The following DENND1B variants were observed in gnomAD, a reference collection of about 807,000 sequenced individuals.
DENND1B encodes the protein DENN domain containing 1B.
Under a neutral mutation model 90.1 loss-of-function variants are expected in DENND1B, and 59 were observed. The observed-to-expected ratio is 0.65, with a 90% CI of 0.53 to 0.81. The LOEUF is 0.81. DENND1B is among the 40% of genes least tolerant of loss of function. DENND1B has a pLI of 0.00. For missense variants in DENND1B, 862 were observed against 912.6 expected (o/e 0.94, Z 0.71); for synonymous variants, 337 against 324.6 (o/e 1.04, Z -0.41).
chr1:197,584,565 A>C (rs1674525922), intron 14 of DENND1B, among the ~76,000 whole-genome samples: 1 of 152,238 alleles, frequency 6.6e-6, no homozygotes, highest in South Asian at 2.1e-4. Context: ...ATTATTAAAG[A>C]AGACAATTCG....
chr1:197,620,772 G>C (rs1678087060), intron 10 of DENND1B, among the ~76,000 whole-genome samples: 2 of 151,352 alleles, frequency 1.3e-5, no homozygotes, highest in Admixed American at 6.6e-5. Flanking sequence ...CAGGGACACA[G>C]TACTAAACAG....
At chr1:197,667,644 C>G (rs1655077272) in intron 5 of DENND1B, among the ~76,000 whole-genome samples, 1 of 152,004 alleles carries the variant, frequency 6.6e-6, no homozygotes, top group Non-Finnish European at 1.5e-5. Context: ...CGTAATCCGC[C>G]CGCCTCGGCC....
intron 5 of DENND1B, among the ~76,000 whole-genome samples, chr1:197,661,611 A>AT (rs946299090): frequency 3.3e-5 from 5 of 152,052 alleles, no homozygotes; most frequent in African/African-American, 1.2e-4. Context: ...TTACATTGTC[A>AT]TTTTCACCTT....
upstream of DENND1B, among the ~76,000 whole-genome samples, chr1:197,780,225 A>G (rs967834403): frequency 1.3e-5 from 2 of 152,100 alleles, no homozygotes; most frequent in African/African-American, 4.8e-5. Flanking sequence ...TTCCCACATT[A>G]GGAAGGGTCT....
chr1:197,703,795 C>T (rs1354685680), intron 3 of DENND1B, among the ~76,000 whole-genome samples: 2 of 152,184 alleles, frequency 1.3e-5, no homozygotes, highest in Admixed American at 6.5e-5. Flanking sequence ...AATATTCACA[C>T]TTTTTTATTT....
At chr1:197,605,555 G>A (rs1320651473) in intron 13 of DENND1B, 1 of 150,838 alleles carries the variant, frequency 6.6e-6, no homozygotes, top group Admixed American at 6.6e-5. Flanking sequence ...TGCATATAAG[G>A]AAAGCATTCT....
intron 21 of DENND1B, among the ~76,000 whole-genome samples, chr1:197,512,249 A>C (rs1356909983): frequency 6.6e-6 from 1 of 151,742 alleles, no homozygotes; most frequent in African/African-American, 2.4e-5. Context: ...AACTACTTGG[A>C]AAGTCTGCTA....
intron 2 of DENND1B, chr1:197,735,748 C>T (rs1281659110): frequency 6.2e-7 from 1 of 1,612,520 alleles, no homozygotes; most frequent in South Asian, 1.1e-5. Flanking sequence ...AAATGCGAAT[C>T]GGCGTACTTT....
chr1:197,745,352 T>A (rs1663612712), intron 2 of DENND1B, among the ~76,000 whole-genome samples: 1 of 152,088 alleles, frequency 6.6e-6, no homozygotes, highest in African/African-American at 2.4e-5. Context: ...TACATGTGAG[T>A]CTTCCTTTCA....
chr1:197,510,419 T>C lies in DENND1B; in HGVS notation c.*41A>G, dbSNP rs199787690. The C allele has an allele frequency of 8.6e-5, 133 of 1,542,810 alleles. No individual in the cohort carries two copies. The highest frequency in any genetic ancestry group is 9.1e-5 in the East Asian group (4 of 44,176). On this transcript the variant is annotated 3_prime_UTR_variant, in exon 23 of 23. Transcript: ENST00000620048. ...AATTCTGTTTATTATACAGATTGCA[T>C]TGAATCTCAAAATGTCTCCATAGAA...
chr1:197,746,383 T>A (rs1382007018), intron 2 of DENND1B, among the ~76,000 whole-genome samples: 2 of 152,032 alleles, frequency 1.3e-5, no homozygotes, highest in Non-Finnish European at 1.5e-5. Flanking sequence ...TGACAGAGAC[T>A]GTCTCAAAAA....
At chr1:197,758,895 C>T (rs879521355) in intron 2 of DENND1B, among the ~76,000 whole-genome samples, 2 of 149,666 alleles carry the variant, frequency 1.3e-5, no homozygotes, top group Admixed American at 6.7e-5. Flanking sequence ...GAAAAAGGTT[C>T]AAAAGGCACA....
Position 197,552,174 on chromosome 1 carries a change from G to A in DENND1B, c.1240+848C>T, listed in dbSNP as rs114573820. 1,207 of 961,620 alleles carry A rather than the reference G, an allele frequency of 1.3e-3. 16 individuals carry two copies. The African/African-American group carries it at 0.02, about 16-fold the overall frequency. The allele number at this position is 961,620 out of a possible 1,614,324, so 59.6% of individuals were successfully genotyped here. On this transcript the variant is annotated intron_variant, in intron 16 of 22. Coordinates refer to ENST00000620048, the MANE Select transcript of DENND1B (RefSeq NM_001195215.2). ...TCTATTTATTTACATATAGACTGAA[G>A]TTTTTTTTCCTCAAAACAAACATAC...
At chr1:197,697,084 C>CA (rs778684569) in intron 3 of DENND1B, among the ~76,000 whole-genome samples, 8,605 of 78,620 alleles carry the variant, frequency 0.11, 472 homozygotes, top group African/African-American at 0.21. Context: ...AGAAATTCCA[C>CA]AAAAAAAAAA....
At chr1:197,779,673 T>C (rs1203642288), upstream of DENND1B, among the ~76,000 whole-genome samples, 1 of 151,828 alleles carries the variant, frequency 6.6e-6, no homozygotes, top group East Asian at 1.9e-4. Context: ...CCATTTAGTT[T>C]TTAATTTATA....
At position 197,507,378 on chromosome 1, in the gene DENND1B, G is replaced by C; in HGVS notation, c.*3082C>G. 1 of 151,148 alleles carries C rather than the reference G, an allele frequency of 6.6e-6. No homozygotes were observed. Among genetic ancestry groups the C allele is most frequent in the East Asian group, 1.9e-4 (1 of 5,138 alleles). 9.4% of individuals were successfully genotyped at this position (151,148 alleles called of 1,614,324 possible). On this transcript the variant is annotated 3_prime_UTR_variant, in exon 23 of 23. Transcript: ENST00000620048. ...TTAACTGAAAAAATAATCATGCTATGTTTTGGTGCTTTTCTAAGACACATT... is the reference window on the plus strand; with the variant it reads ...TTAACTGAAAAAATAATCATGCTATCTTTTGGTGCTTTTCTAAGACACATT...
chr1:197,757,277 TAACTCTAG>T (rs1302564365), intron 2 of DENND1B: 2 of 152,176 alleles, frequency 1.3e-5, no homozygotes, highest in Non-Finnish European at 2.9e-5. Context: ...AACTCCAATC[TAACTCTAG>T]AGTTCTGCCA....
chr1:197,667,448 T>C (rs1223073465), intron 5 of DENND1B, among the ~76,000 whole-genome samples: 1 of 152,100 alleles, frequency 6.6e-6, no homozygotes. Context: ...ATCTTTTTTT[T>C]CCGAGACAGA....
intron 15 of DENND1B, among the ~76,000 whole-genome samples, chr1:197,561,509 T>C (rs1191618477): frequency 6.6e-6 from 1 of 151,900 alleles, no homozygotes; most frequent in Non-Finnish European, 1.5e-5. Context: ...TTTCCTTTGG[T>C]AATCTCATCT....
Sources: allele counts gnomAD v4.1 joint callset (sites outside exome capture counted in the v4.1 genomes callset), GRCh38; gene constraint gnomAD v4.1.1; transcripts MANE v1.5; gene names NCBI Gene and HGNC (gene_info 2026-07-23, HGNC 2026-07-21).